Variants in LIMA1 observed in about 807,000 individuals in gnomAD.
LIMA1 encodes the protein LIM domain and actin-binding protein 1.
LIMA1 carries 52 observed loss-of-function variants against 62.6 expected under a neutral mutation model. That is an observed-to-expected ratio of 0.83 (90% confidence interval 0.67 to 1.05). The LOEUF is 1.05. Among genes scored for constraint, LIMA1 ranks in the 50% least tolerant of loss-of-function variants. The pLI is 0.00. For synonymous variants in LIMA1, 302 were observed against 317.8 expected (o/e 0.95, Z 0.53); for missense variants, 780 against 902.2 (o/e 0.86, Z 1.74).
chr12:50,217,614 G>A (rs546466129), intron 4 of LIMA1: 3 of 176,576 alleles, frequency 1.7e-5, no homozygotes, highest in South Asian at 2.8e-4. Context: ...GGGCAGCACC[G>A]CAGGTCTACA....
intron 1 of LIMA1, among the ~76,000 whole-genome samples, chr12:50,272,010 C>T (rs535640397): frequency 6.6e-6 from 1 of 152,126 alleles, no homozygotes; most frequent in Non-Finnish European, 1.5e-5. Flanking sequence ...TAGGAAGGCT[C>T]CTTCTGTTAA....
chr12:50,197,196 G>C (rs576219766), intron 7 of LIMA1, among the ~76,000 whole-genome samples: 1 of 150,212 alleles, frequency 6.7e-6, no homozygotes, highest in Admixed American at 6.7e-5. Context: ...TCAGCCTCCC[G>C]AGTAGCTGGG....
chr12:50,229,544 T>C (rs1941578942), intron 3 of LIMA1, among the ~76,000 whole-genome samples: 1 of 151,700 alleles, frequency 6.6e-6, no homozygotes, highest in Admixed American at 6.6e-5. Flanking sequence ...GGGCCTGTTG[T>C]GGGGTGGGGA....
At chr12:50,193,503 ATGTG>A (rs1190699898) in intron 8 of LIMA1, among the ~76,000 whole-genome samples, 2 of 131,574 alleles carry the variant, frequency 1.5e-5, no homozygotes, top group African/African-American at 2.8e-5. Flanking sequence ...TATATCATAT[ATGTG>A]TATATATGAT....
Position 50,192,433 on chromosome 12 carries a change from A to T in LIMA1, c.1140+19T>A. On this transcript the variant is annotated intron_variant, in intron 9 of 10. Coordinates refer to ENST00000341247, the MANE Select transcript of LIMA1 (RefSeq NM_016357.5). ...AGTAGACCAATGTCCAAAGGCTCAG[A>T]GAGAAATTGCCATCATACCTTCATT... 6.7e-7 allele frequency: 1 copy of T among 1,490,822 alleles called. No homozygotes were observed. Among genetic ancestry groups the T allele is most frequent in the Non-Finnish European group, 9.4e-7 (1 of 1,067,682 alleles). 92.3% of individuals were successfully genotyped at this position (1,490,822 alleles called of 1,614,324 possible).
In LIMA1 at chr12:50,206,411, C is replaced by T. The variant is rs540977390; in HGVS notation, c.631-343G>A. On this transcript the variant is annotated intron_variant, in intron 4 of 10. Transcript: ENST00000341247. ...AGAATCTGCTGTTTCCTTTCTCCGT[C>T]TCATGTTATTTCTGCTATTGCTGCC... Among the ~76,000 whole-genome samples, 3 of 152,286 alleles carry T rather than the reference C, an allele frequency of 2.0e-5. No homozygotes were observed. In the East Asian group the frequency reaches 5.8e-4, roughly 29 times the overall value.
At chr12:50,264,001 G>C (rs1488340294) in intron 1 of LIMA1, among the ~76,000 whole-genome samples, 1 of 151,186 alleles carries the variant, frequency 6.6e-6, no homozygotes, top group Non-Finnish European at 1.5e-5. Flanking sequence ...ACAAAATGTG[G>C]TATGCCCATA....
rs6144709 is a variant in LIMA1, at chr12:50,211,793, AAC to A, written c.631-5727_631-5726del. 1.5e-3 allele frequency among the ~76,000 whole-genome samples: 219 copies of A among 150,728 alleles called. 1 individual carries two copies. The highest frequency in any genetic ancestry group is 4.9e-3 in the African/African-American group (201 of 41,150). ...TTCTCAAGGAAGTAAAGGAACACAA[AAC>A]ACACACACACACACACACGAATTCT... On this transcript the variant is annotated intron_variant, in intron 4 of 10. Coordinates refer to ENST00000341247, the MANE Select transcript of LIMA1 (RefSeq NM_016357.5).
intron 1 of LIMA1, among the ~76,000 whole-genome samples, chr12:50,255,024 A>C (rs753570172): frequency 7.6e-6 from 1 of 132,264 alleles, no homozygotes; most frequent in Non-Finnish European, 1.5e-5. Flanking sequence ...CTCTGTCTCA[A>C]AACAAAACCA....
chr12:50,182,381 G>C (rs1241539886), intron 9 of LIMA1, among the ~76,000 whole-genome samples: 1 of 152,084 alleles, frequency 6.6e-6, no homozygotes, highest in Non-Finnish European at 1.5e-5. Flanking sequence ...GCAGGGATTA[G>C]GAGAAAATGT....
chr12:50,177,274 A>G lies in LIMA1; in HGVS notation c.2070T>C (p.Asp690=). The change falls in exon 11 of 11, where the codon GAT becomes GAC. Residue 690 remains aspartate, a synonymous_variant. Coordinates refer to ENST00000341247, the MANE Select transcript of LIMA1 (RefSeq NM_016357.5). ...VENGADSDED[D]NSFLKQQSPQ... The stretch of plus-strand genomic sequence containing the variant: ...GAGATTGTTGTTTGAGGAAGCTGTT[A>G]TCATCTTCATCGGAGTCTGCACCAT... The G allele has an allele frequency of 6.2e-7, 1 of 1,614,142 alleles. No homozygotes were observed. The highest frequency in any genetic ancestry group is 8.5e-7 in the Non-Finnish European group (1 of 1,180,016).
chr12:50,193,486 G>T (rs1772125224), intron 8 of LIMA1, among the ~76,000 whole-genome samples: 2 of 128,710 alleles, frequency 1.6e-5, no homozygotes, highest in Admixed American at 8.3e-5. Context: ...TATATATATA[G>T]TATATATATA....
intron 1 of LIMA1, among the ~76,000 whole-genome samples, chr12:50,277,623 A>G (rs548570038): frequency 1.7e-4 from 26 of 152,148 alleles, no homozygotes; most frequent in African/African-American, 4.8e-4. Flanking sequence ...CTGACTCTCA[A>G]ATAGCACCCT....
At chr12:50,239,200 C>T (rs1941738408) in intron 2 of LIMA1, among the ~76,000 whole-genome samples, 1 of 152,022 alleles carries the variant, frequency 6.6e-6, no homozygotes, top group Admixed American at 6.6e-5. Context: ...TACACACACA[C>T]AGAGTGGTAA....
intron 9 of LIMA1, 57 bp from the exon 10 acceptor site, chr12:50,182,094 G>C: frequency 6.3e-7 from 1 of 1,593,002 alleles, no homozygotes; most frequent in Non-Finnish European, 8.6e-7. Context: ...GCACTGTCTT[G>C]AGATGGACCC....
At chr12:50,261,948 T>G (rs1010192207) in intron 1 of LIMA1, among the ~76,000 whole-genome samples, 1 of 152,212 alleles carries the variant, frequency 6.6e-6, no homozygotes, top group Admixed American at 6.5e-5. Context: ...CTGAAATAAT[T>G]TTTTGGATTC....
rs1204989113 is a variant in LIMA1, at chr12:50,200,744, C to T, written c.972+33G>A. The T allele has an allele frequency of 3.7e-6, 6 of 1,610,086 alleles. No individual in the cohort carries two copies. In the South Asian group the frequency reaches 6.6e-5, roughly 18 times the overall value. On this transcript the variant is annotated intron_variant, in intron 7 of 10. Coordinates refer to ENST00000341247, the MANE Select transcript of LIMA1 (RefSeq NM_016357.5). ...GCATCTAATTTAGAACACATGCTTC[C>T]TTGGCAACTGGACATCAGACTTTTC...
chr12:50,208,654 G>C (rs1159559889), intron 4 of LIMA1, among the ~76,000 whole-genome samples: 1 of 151,850 alleles, frequency 6.6e-6, no homozygotes, highest in South Asian at 2.1e-4. Context: ...TGTCTCAAAA[G>C]AAATAATAAA....
At chr12:50,266,971 T>G (rs1409073251) in intron 1 of LIMA1, among the ~76,000 whole-genome samples, 1 of 152,186 alleles carries the variant, frequency 6.6e-6, no homozygotes, top group Non-Finnish European at 1.5e-5. Context: ...CTTGGCTCAC[T>G]GCAGCCTCTG....
Sources: allele counts gnomAD v4.1 joint callset (sites outside exome capture counted in the v4.1 genomes callset), GRCh38; gene constraint gnomAD v4.1.1; transcripts MANE v1.5; gene names NCBI Gene and HGNC (gene_info 2026-07-23, HGNC 2026-07-21).